Variants in FSTL4 observed in about 807,000 individuals in gnomAD.
The protein encoded by FSTL4 is follistatin-related protein 4.
Under a neutral mutation model 78.2 loss-of-function variants are expected in FSTL4, and 28 were observed. The ratio of observed to expected loss-of-function variants is 0.36; its 90% CI spans 0.27 to 0.49. FSTL4 has a LOEUF of 0.49. Among genes scored for constraint, FSTL4 ranks in the 20% least tolerant of loss-of-function variants. The probability of loss-of-function intolerance (pLI) is 0.98; values close to 1 mark genes in which losing one functional copy is unlikely to be tolerated. For synonymous variants in FSTL4, 422 were observed against 440.5 expected (o/e 0.96, Z 0.53); for missense variants, 922 against 1,084.9 (o/e 0.85, Z 2.11).
intron 6 of FSTL4, among the ~76,000 whole-genome samples, chr5:133,251,956 C>T (rs1752258631): frequency 1.3e-5 from 2 of 152,158 alleles, no homozygotes; most frequent in African/African-American, 4.8e-5. Context: ...CTGAGCTCAG[C>T]TTCAAGTGAC....
chr5:133,529,088 G>A (rs1005860471), intron 3 of FSTL4, among the ~76,000 whole-genome samples: 13 of 152,166 alleles, frequency 8.5e-5, no homozygotes, highest in Non-Finnish European at 1.6e-4. Flanking sequence ...CTGGATCCAC[G>A]AATGGCCATG....
chr5:133,567,140 A>C, intron 3 of FSTL4, 46 bp downstream of exon 3: 1 of 1,399,586 alleles, frequency 7.1e-7, no homozygotes, highest in Non-Finnish European at 1.0e-6. Context: ...CTACTTCAAA[A>C]ATGTCAACAC....
At chr5:133,794,260 G>A in the FSTL4 span, among the ~76,000 whole-genome samples, 1,892 of 152,340 alleles carry the variant, frequency 0.012, 20 homozygotes, top group Non-Finnish European at 0.02. Flanking sequence ...GAAATGCCAG[G>A]GGGCCACCAC....
intron 3 of FSTL4, among the ~76,000 whole-genome samples, chr5:133,418,877 C>G (rs527375629): frequency 6.2e-4 from 94 of 152,326 alleles, no homozygotes; most frequent in African/African-American, 2.2e-3. Flanking sequence ...ATTCCTCATG[C>G]CGCTTTGTAA....
the FSTL4 span, among the ~76,000 whole-genome samples, chr5:133,651,941 A>G: frequency 1.3e-5 from 2 of 152,124 alleles, no homozygotes; most frequent in Non-Finnish European, 2.9e-5. Flanking sequence ...TAATAGATAT[A>G]GGCCCTTTCA....
chr5:133,791,754 G>A, the FSTL4 span, among the ~76,000 whole-genome samples: 8 of 152,314 alleles, frequency 5.3e-5, no homozygotes, highest in Admixed American at 2.0e-4. Context: ...CTAGGCCTCC[G>A]CCAAGGGCAG....
intron 13 of FSTL4, among the ~76,000 whole-genome samples, chr5:133,212,261 CCTT>C (rs1219628427): frequency 6.6e-6 from 1 of 152,240 alleles, no homozygotes; most frequent in African/African-American, 2.4e-5. Flanking sequence ...TTCTGCTTAA[CCTT>C]CTCCCATTGG....
intron 3 of FSTL4, among the ~76,000 whole-genome samples, chr5:133,453,459 G>A (rs1392421644): frequency 6.6e-6 from 1 of 152,138 alleles, no homozygotes; most frequent in Non-Finnish European, 1.5e-5. Context: ...TGGGCAGAGG[G>A]GCCTCACATA....
At chr5:133,594,215 C>T (rs1306495337) in intron 2 of FSTL4, among the ~76,000 whole-genome samples, 1 of 144,352 alleles carries the variant, frequency 6.9e-6, no homozygotes, top group Non-Finnish European at 1.6e-5. Flanking sequence ...TTTATTGAGA[C>T]AGTCTCACTC....
chr5:133,522,844 T>C (rs555670913), intron 3 of FSTL4, among the ~76,000 whole-genome samples: 79 of 152,342 alleles, frequency 5.2e-4, no homozygotes, highest in African/African-American at 1.9e-3. Flanking sequence ...AGGGATCACA[T>C]ATTTCAATGT....
the FSTL4 span, among the ~76,000 whole-genome samples, chr5:133,837,670 G>T: frequency 1.3e-5 from 2 of 152,276 alleles, no homozygotes; most frequent in South Asian, 2.1e-4. Flanking sequence ...TCAACTCAAA[G>T]TTGGGGAGGT....
intron 7 of FSTL4, among the ~76,000 whole-genome samples, chr5:133,238,760 G>A (rs1191157885): frequency 6.6e-6 from 1 of 152,190 alleles, no homozygotes; most frequent in Non-Finnish European, 1.5e-5. Context: ...TGACCTTCCC[G>A]ACCAACACTG....
At chr5:133,341,591 A>C (rs1399985412) in intron 4 of FSTL4, among the ~76,000 whole-genome samples, 3 of 152,074 alleles carry the variant, frequency 2.0e-5, no homozygotes, top group Non-Finnish European at 4.4e-5. Flanking sequence ...TCTTTTGCCA[A>C]GGGAGCACAG....
chr5:133,649,726 T>C, the FSTL4 span, among the ~76,000 whole-genome samples: 1 of 152,174 alleles, frequency 6.6e-6, no homozygotes, highest in Non-Finnish European at 1.5e-5. Flanking sequence ...TGTTGAGTTT[T>C]TAAGAGTTCT....
intron 13 of FSTL4, 75 bp from the exon 14 acceptor site, chr5:133,210,373 C>A: frequency 1.2e-6 from 1 of 818,058 alleles, no homozygotes; most frequent in Non-Finnish European, 2.1e-6. Flanking sequence ...ATGGGCATCA[C>A]TCCTGGGCGA....
In FSTL4 at chr5:133,440,283, CT is replaced by C. The variant is rs1256542876; in HGVS notation, c.161-39298del. On this transcript the variant is annotated intron_variant, in intron 3 of 15. Transcript: ENST00000265342. This position sits in a 1 kb window ranked among gnomAD's most constrained non-coding sequence, Gnocchi z 4.1. ...GGAACAAGACACATCATTTGGGTGGCTGTGGGCAGCTCAGGGGTGCCCGTAA... is the reference window on the plus strand; with the variant it reads ...GGAACAAGACACATCATTTGGGTGGCGTGGGCAGCTCAGGGGTGCCCGTAA... Among the ~76,000 whole-genome samples, 5 of 152,158 alleles carry C rather than the reference CT, an allele frequency of 3.3e-5. No homozygotes were observed. Among genetic ancestry groups the C allele is most frequent in the African/African-American group, 1.2e-4 (5 of 41,432 alleles).
intron 4 of FSTL4, among the ~76,000 whole-genome samples, chr5:133,339,631 G>A (rs1192832208): frequency 2.0e-5 from 3 of 152,210 alleles, no homozygotes; most frequent in Non-Finnish European, 4.4e-5. Flanking sequence ...GTCCAGAGTT[G>A]CTTCTACTGA....
At chr5:133,311,202 T>C (rs532171897) in intron 6 of FSTL4, among the ~76,000 whole-genome samples, 53 of 152,276 alleles carry the variant, frequency 3.5e-4, no homozygotes, top group African/African-American at 1.3e-3. Flanking sequence ...TGTGGATACT[T>C]CCACACATTC....
Position 133,376,485 on chromosome 5 carries a change from C to G in FSTL4, c.409+24253G>C, listed in dbSNP as rs934486015. On this transcript the variant is annotated intron_variant, in intron 4 of 15. Transcript: ENST00000265342. ...TTTTAGAATTATGGCATAACGAACTCTGTAGACATGCTCTTCAGAGAAATA... is the reference window on the plus strand; with the variant it reads ...TTTTAGAATTATGGCATAACGAACTGTGTAGACATGCTCTTCAGAGAAATA... Among the ~76,000 whole-genome samples the G allele has an allele frequency of 4.7e-4, 71 of 152,238 alleles. 1 individual carries two copies. Among genetic ancestry groups the G allele is most frequent in the African/African-American group, 1.6e-3 (65 of 41,534 alleles).
Sources: allele counts gnomAD v4.1 joint callset (sites outside exome capture counted in the v4.1 genomes callset), GRCh38; gene constraint gnomAD v4.1.1; non-coding constraint Gnocchi (gnomAD v3.1); transcripts MANE v1.5; gene names NCBI Gene and HGNC (gene_info 2026-07-23, HGNC 2026-07-21).